Variants in RCOR1 observed in about 807,000 individuals in gnomAD.
The protein encoded by RCOR1 is REST corepressor 1.
In RCOR1, 12 loss-of-function variants were observed where a neutral mutation model predicts 64.0. The ratio of observed to expected loss-of-function variants is 0.19; its 90% CI spans 0.12 to 0.30. RCOR1 has a LOEUF of 0.30. Ranked by LOEUF, RCOR1 falls within the 10% of genes least tolerant of loss-of-function variation. The pLI, the probability that RCOR1 is intolerant of heterozygous loss-of-function variation, is 1.00. For synonymous variants in RCOR1, 279 were observed against 227.2 expected, an observed-to-expected ratio of 1.23 and a Z score of -2.05; for missense variants, 502 against 621.2, an observed-to-expected ratio of 0.81 and a Z score of 2.04.
chr14:102,676,916 A>T (rs1180271368), intron 2 of RCOR1, among the ~76,000 whole-genome samples: 3 of 38,804 alleles, frequency 7.7e-5, no homozygotes, highest in Admixed American at 2.6e-4. Context: ...TGACCCCCCC[A>T]CCTCCCTCCC....
intron 2 of RCOR1, among the ~76,000 whole-genome samples, chr14:102,653,367 C>T (rs774312314): frequency 2.0e-5 from 3 of 151,992 alleles, no homozygotes; most frequent in African/African-American, 7.3e-5. Flanking sequence ...CACAGGCACT[C>T]GCTACCGTGC....
chr14:102,694,162 A>G, intron 3 of RCOR1, among the ~76,000 whole-genome samples: 1 of 152,218 alleles, frequency 6.6e-6, no homozygotes, highest in East Asian at 1.9e-4. Flanking sequence ...CTGCCAAGAT[A>G]AGCTTCAGAC....
intron 2 of RCOR1, chr14:102,658,021 C>G (rs1894761042): frequency 1.2e-6 from 1 of 855,092 alleles, no homozygotes; most frequent in Admixed American, 6.2e-5. Context: ...GTTGCCCAGG[C>G]TGGAGTGCAG....
intron 2 of RCOR1, among the ~76,000 whole-genome samples, chr14:102,595,301 A>C (rs1893218586): frequency 6.6e-6 from 1 of 152,210 alleles, no homozygotes; most frequent in Non-Finnish European, 1.5e-5. Context: ...CAGGAGTTGG[A>C]GACCAGCCTG....
chr14:102,646,728 A>G (rs1178015718), intron 2 of RCOR1, among the ~76,000 whole-genome samples: 1 of 152,246 alleles, frequency 6.6e-6, no homozygotes, highest in African/African-American at 2.4e-5. Context: ...TAAGTGTGAT[A>G]ATAGCACTGT....
At chr14:102,616,273 T>A (rs1318986387) in intron 2 of RCOR1, among the ~76,000 whole-genome samples, 1 of 150,976 alleles carries the variant, frequency 6.6e-6, no homozygotes, top group African/African-American at 2.5e-5. Context: ...TATATATATA[T>A]TTAAATTTTA....
At chr14:102,717,002 T>C (rs1371401633) in intron 8 of RCOR1, among the ~76,000 whole-genome samples, 1 of 152,242 alleles carries the variant, frequency 6.6e-6, no homozygotes, top group African/African-American at 2.4e-5. Context: ...CAATGTTGTA[T>C]TGTTTTCTGT....
chr14:102,712,646 T>C (rs1895983590), intron 7 of RCOR1, among the ~76,000 whole-genome samples: 2 of 151,222 alleles, frequency 1.3e-5, no homozygotes, highest in Non-Finnish European at 2.9e-5. Flanking sequence ...CAACGTGTTC[T>C]AGATACATTG....
chr14:102,683,584 C>CG (rs1895348202), intron 3 of RCOR1, among the ~76,000 whole-genome samples: 1 of 152,322 alleles, frequency 6.6e-6, no homozygotes, highest in East Asian at 1.9e-4. Flanking sequence ...GGGGCTTCCC[C>CG]GGGGGTCCCA....
chr14:102,659,846 C>T (rs1477016115), intron 2 of RCOR1, among the ~76,000 whole-genome samples: 1 of 152,160 alleles, frequency 6.6e-6, no homozygotes, highest in Non-Finnish European at 1.5e-5. Context: ...GGGCCTAGAT[C>T]AGTGTTTGGG....
rs773900797 is a variant in RCOR1 at position 102,593,093 on chromosome 14, G to A, written c.207G>A (p.Gln69=). 2.7e-6 allele frequency: 4 copies of A among 1,491,874 alleles called. No homozygotes were observed. The highest frequency in any genetic ancestry group is 2.1e-4 in the Middle Eastern group (1 of 4,756). The allele number at this position is 1,491,874 out of a possible 1,614,324, so 92.4% of individuals were successfully genotyped here. ...ASAAAAPNNG[Q]NKSLAAAAPN... ...CCGCCGCCGCCCCCAATAATGGCCAGAATAAAAGTTTGGCGGCGGCGGCGC... is the reference window on the plus strand; with the variant it reads ...CCGCCGCCGCCCCCAATAATGGCCAAAATAAAAGTTTGGCGGCGGCGGCGC... Residue 69 remains glutamine (Q), a synonymous_variant, in exon 1 of 12, where the codon CAG becomes CAA. Coordinates refer to ENST00000262241, the MANE Select transcript of RCOR1 (RefSeq NM_015156.4).
intron 2 of RCOR1, among the ~76,000 whole-genome samples, chr14:102,663,608 G>T (rs76790549): frequency 0.017 from 2,546 of 152,202 alleles, 76 homozygotes; most frequent in African/African-American, 0.058. Flanking sequence ...CAGTCAGACT[G>T]TAGCTTCAGG....
Position 102,721,027 on chromosome 14 carries a change from A to G in RCOR1, c.1074A>G (p.Thr358=), listed in dbSNP as rs766334365. The G allele has an allele frequency of 6.0e-5, 94 of 1,565,024 alleles. 1 individual carries two copies. Among genetic ancestry groups the G allele is most frequent in the Non-Finnish European group, 8.0e-5 (92 of 1,148,098 alleles). ...CCTAGATCCAGAATATTAAACAGAC[A>G]AACAGTGCTCTCAAAGAAAAACTTG... ...VKRQIQNIKQ[T]NSALKEKLDG... The change falls in exon 9 of 12, where the codon ACA becomes ACG. Residue 358 remains threonine (T), a synonymous_variant. Coordinates refer to ENST00000262241, the MANE Select transcript of RCOR1 (RefSeq NM_015156.4).
At chr14:102,721,841 A>G (rs1310533958) in intron 10 of RCOR1, among the ~76,000 whole-genome samples, 2 of 152,192 alleles carry the variant, frequency 1.3e-5, no homozygotes, top group African/African-American at 2.4e-5. Flanking sequence ...ACAAAACCCC[A>G]AAAGAAGCAG....
intron 2 of RCOR1, among the ~76,000 whole-genome samples, chr14:102,627,960 G>GGTGTGTGTGTGTGTGT (rs3069199): frequency 1.3e-3 from 188 of 149,072 alleles, no homozygotes; most frequent in African/African-American, 4.0e-3. Flanking sequence ...ATTTAAAAGG[G>GGTGTGTGTGTGTGTGT]GTGTGTGTGT....
chr14:102,727,339 G>A lies in RCOR1; in HGVS notation c.*833G>A, dbSNP rs1896288721. On this transcript the variant is annotated 3_prime_UTR_variant, in exon 12 of 12. Transcript: ENST00000262241. ...GCCCACATCACTGTACCTGGTGCTT[G>A]TAAATTTGGAATTGGTGCCTTCTCC... 2 of 135,292 alleles carry A rather than the reference G, an allele frequency of 1.5e-5. No individual in the cohort carries two copies. The highest frequency in any genetic ancestry group is 1.8e-4 in the Admixed American group (2 of 10,916). The allele number at this position is 135,292 out of a possible 1,614,324, so 8.4% of individuals were successfully genotyped here.
At chr14:102,705,488 A>G (rs1895832878) in intron 4 of RCOR1, among the ~76,000 whole-genome samples, 1 of 152,194 alleles carries the variant, frequency 6.6e-6, no homozygotes, top group African/African-American at 2.4e-5. Context: ...TCTGTCATCC[A>G]TGCTGGAGTG....
At chr14:102,631,740 A>G (rs7142780) in intron 2 of RCOR1, among the ~76,000 whole-genome samples, 5,034 of 152,212 alleles carry the variant, frequency 0.033, 120 homozygotes, top group African/African-American at 0.064. Context: ...AATTGAATAT[A>G]GCTTCTAAGC....
chr14:102,638,070 T>C (rs530057553), intron 2 of RCOR1, among the ~76,000 whole-genome samples: 2 of 152,360 alleles, frequency 1.3e-5, no homozygotes, highest in Admixed American at 6.5e-5. Context: ...AGATTTACCA[T>C]GTAAATGTGT....
Sources: allele counts gnomAD v4.1 joint callset (sites outside exome capture counted in the v4.1 genomes callset), GRCh38; gene constraint gnomAD v4.1.1; transcripts MANE v1.5; gene names NCBI Gene and HGNC (gene_info 2026-07-23, HGNC 2026-07-21).